The following TLR6 variants were observed in gnomAD, a reference collection of about 807,000 sequenced individuals.
TLR6 encodes the protein toll like receptor 6.
A neutral mutation model predicts 16.1 loss-of-function variants in TLR6; 9 were observed. The observed-to-expected ratio is 0.56, with a 90% CI of 0.34 to 0.98. The LOEUF is 0.98. Ranked by LOEUF, TLR6 falls within the 50% of genes least tolerant of loss-of-function variation. TLR6 has a pLI of 0.02. For missense variants in TLR6, 786 were observed against 921.0 expected, an observed-to-expected ratio of 0.85 and a Z score of 1.90; for synonymous variants, 340 against 338.6, an observed-to-expected ratio of 1.00 and a Z score of -0.04.
At chr4:38,823,205 T>C (rs894419521), downstream of TLR6, among the ~76,000 whole-genome samples, 2 of 152,226 alleles carry the variant, frequency 1.3e-5, no homozygotes, top group Non-Finnish European at 2.9e-5. Context: ...CAGTGCCCTA[T>C]ACAGGTGTAC....
intron 1 of TLR6, among the ~76,000 whole-genome samples, chr4:38,846,041 G>C (rs1284087124): frequency 2.7e-5 from 4 of 147,944 alleles, no homozygotes; most frequent in African/African-American, 1.0e-4. Flanking sequence ...GCAGTGAGCT[G>C]AGATTGTGCC....
exon 2 of TLR6, chr4:38,826,661 C>T (rs1224328493): frequency 6.4e-6 from 1 of 155,796 alleles, no homozygotes; most frequent in African/African-American, 2.4e-5. Flanking sequence ...AAGCCCCAGA[C>T]TTGAAGAGAA....
chr4:38,862,842 G>A, the TLR6 span, among the ~76,000 whole-genome samples: 6 of 144,390 alleles, frequency 4.2e-5, no homozygotes, highest in Admixed American at 1.4e-4. Flanking sequence ...TGATCCGCCC[G>A]TCTTGGCCTC....
chr4:38,864,310 C>T, the TLR6 span, among the ~76,000 whole-genome samples: 2 of 152,216 alleles, frequency 1.3e-5, no homozygotes, highest in Admixed American at 6.5e-5. Flanking sequence ...CACCTACAGC[C>T]GTATTTGGTA....
rs570980883 is a variant in TLR6, at chr4:38,856,644, T to C, written c.-65+117A>G. 5.9e-5 allele frequency: 9 copies of C among 152,308 alleles called. No homozygotes were observed. In the East Asian group the frequency reaches 9.6e-4, roughly 16 times the overall value. The allele number at this position is 152,308 out of a possible 1,614,324, so 9.4% of individuals were successfully genotyped here. ...ACAAAAAAAACCACTTCAAATCATTTTGCAAAAATTTCAAGGAAACATTAC... is the reference window on the plus strand; with the variant it reads ...ACAAAAAAAACCACTTCAAATCATTCTGCAAAAATTTCAAGGAAACATTAC... On this transcript the variant is annotated intron_variant, in intron 1 of 1. Transcript: ENST00000436693.
chr4:38,845,676 C>T (rs1712495921), intron 1 of TLR6, among the ~76,000 whole-genome samples: 1 of 152,198 alleles, frequency 6.6e-6, no homozygotes. Flanking sequence ...CTTGCCAGTC[C>T]CTTGATTTTA....
chr4:38,845,047 A>G (rs372083273), intron 1 of TLR6, among the ~76,000 whole-genome samples: 54 of 152,356 alleles, frequency 3.5e-4, no homozygotes, highest in African/African-American at 1.2e-3. Flanking sequence ...TGACAAAACC[A>G]CATTTTCAAA....
At chr4:38,868,037 C>G in the TLR6 span, 1 of 426,990 alleles carries the variant, frequency 2.3e-6, no homozygotes, top group South Asian at 1.6e-5. Flanking sequence ...GCCGAGGGAC[C>G]TGCGTGGGTG....
chr4:38,852,926 G>A (rs1254589728), intron 1 of TLR6, among the ~76,000 whole-genome samples: 1 of 152,068 alleles, frequency 6.6e-6, no homozygotes, highest in Non-Finnish European at 1.5e-5. Context: ...AAAGATACAT[G>A]CACACACATG....
At chr4:38,853,122 T>C (rs542314836) in intron 1 of TLR6, among the ~76,000 whole-genome samples, 2 of 148,268 alleles carry the variant, frequency 1.3e-5, no homozygotes, top group South Asian at 4.3e-4. Context: ...TCGTAAACTA[T>C]CGCAAGGACA....
At chr4:38,867,124 G>A in the TLR6 span, among the ~76,000 whole-genome samples, 1 of 152,112 alleles carries the variant, frequency 6.6e-6, no homozygotes, top group Non-Finnish European at 1.5e-5. Context: ...CATTTTTAAG[G>A]GCTACAACAT....
At chr4:38,862,835 T>A in the TLR6 span, among the ~76,000 whole-genome samples, 1 of 145,106 alleles carries the variant, frequency 6.9e-6, no homozygotes, top group Non-Finnish European at 1.5e-5. Flanking sequence ...GACCTCATGA[T>A]CCGCCCGTCT....
chr4:38,865,951 C>T, the TLR6 span, among the ~76,000 whole-genome samples: 1 of 151,704 alleles, frequency 6.6e-6, no homozygotes, highest in Non-Finnish European at 1.5e-5. Context: ...CCAGCCTTGC[C>T]ACCATGGCAA....
At chr4:38,834,460 A>T (rs1287796193) in intron 1 of TLR6, among the ~76,000 whole-genome samples, 1 of 151,964 alleles carries the variant, frequency 6.6e-6, no homozygotes, top group Non-Finnish European at 1.5e-5. Flanking sequence ...GAGCAAAGGG[A>T]TAGAAAACAT....
chr4:38,829,672 A>G (rs1194143488), intron 1 of TLR6, 135 bp from the exon 2 acceptor site: 10 of 519,664 alleles, frequency 1.9e-5, no homozygotes, highest in Non-Finnish European at 3.4e-5. Flanking sequence ...TTAATGTAAT[A>G]CTTTTTATAA....
upstream of TLR6, among the ~76,000 whole-genome samples, chr4:38,860,071 C>T (rs1321091483): frequency 6.6e-6 from 1 of 151,344 alleles, no homozygotes; most frequent in African/African-American, 2.4e-5. Flanking sequence ...TGTCTTTCTC[C>T]AGATAATAAA....
intron 1 of TLR6, among the ~76,000 whole-genome samples, chr4:38,851,869 G>GA (rs1289501310): frequency 1.3e-5 from 2 of 152,118 alleles, no homozygotes; most frequent in South Asian, 2.1e-4. Context: ...CACAGAACTG[G>GA]AAAAAACTAC....
At chr4:38,861,051 G>T (rs1713182874), upstream of TLR6, among the ~76,000 whole-genome samples, 1 of 151,972 alleles carries the variant, frequency 6.6e-6, no homozygotes, top group Non-Finnish European at 1.5e-5. Flanking sequence ...ATCTTCTTGG[G>T]TGCACCCTTC....
rs112451766 is a variant in TLR6 at position 38,836,588 on chromosome 4, A to G, written c.-64-7051T>C. On this transcript the variant is annotated intron_variant, in intron 1 of 1. Transcript: ENST00000436693. ...TTTTCTCAAACTATTCAAAAAAATT[A>G]AAGATGAAGGTATTCCTCCTAACTC... Among the ~76,000 whole-genome samples the G allele has an allele frequency of 3.2e-3, 486 of 152,328 alleles. 4 individuals carry two copies. The highest frequency in any genetic ancestry group is 0.011 in the African/African-American group (459 of 41,576).
Sources: gnomAD v4.1 joint callset for allele counts (sites outside exome capture counted in the v4.1 genomes callset) on GRCh38, gnomAD v4.1.1 for gene constraint, MANE v1.5 for transcripts, NCBI Gene and HGNC (gene_info 2026-07-23, HGNC 2026-07-21) for gene names.